UGGT1: variants seen among roughly 807,000 people sequenced by gnomAD.
The protein encoded by UGGT1 is UDP-glucose:glycoprotein glucosyltransferase 1.
Under a neutral mutation model 203.9 loss-of-function variants are expected in UGGT1, and 107 were observed. The observed-to-expected ratio is 0.52, with a 90% CI of 0.45 to 0.62. The LOEUF (loss-of-function observed/expected upper bound fraction) is 0.62, where lower values mean the gene tolerates loss of function less well. UGGT1 is among the 20% of genes least tolerant of loss of function. UGGT1 has a pLI of 0.00. For synonymous variants in UGGT1, 628 were observed against 653.5 expected (o/e 0.96, Z 0.59); for missense variants, 1,673 against 1,867.2 (o/e 0.90, Z 1.92).
chr2:128,192,898 G>A lies in UGGT1; in HGVS notation c.*3156G>A, dbSNP rs1042732967. On this transcript the variant is annotated 3_prime_UTR_variant, in exon 41 of 41. Transcript: ENST00000259253. ...GATGTATGTTAAGAAACAGTTTCCG[G>A]TCAGGCACAGTGGCTTACACCTGTA... The A allele has an allele frequency of 4.0e-5, 6 of 151,860 alleles. No individual in the cohort carries two copies. Among genetic ancestry groups the A allele is most frequent in the African/African-American group, 1.5e-4 (6 of 41,338 alleles). The allele number at this position is 151,860 out of a possible 1,614,324, so 9.4% of individuals were successfully genotyped here. A position where few individuals can be genotyped will look rare whatever the true frequency, so the allele number is the denominator to read the frequency against.
rs1553433490 is a variant in UGGT1, at chr2:128,112,454, T to TATA, written c.522-630_522-629insATA. On this transcript the variant is annotated intron_variant, in intron 5 of 40. Coordinates refer to ENST00000259253, the MANE Select transcript of UGGT1 (RefSeq NM_020120.4). The stretch of plus-strand genomic sequence containing the variant: ...AAAAAACCCCCCAAAAAATACTATG[T>TATA]TATATATATATATATATATTACATA... Among the ~76,000 whole-genome samples the TATA allele has an allele frequency of 2.5e-4, 14 of 55,808 alleles. 1 individual carries two copies. The South Asian group carries it at 5.2e-3, about 21-fold the overall frequency. The allele number at this position is 55,808 out of a possible 152,430, so 36.6% of individuals were successfully genotyped here. A position where few individuals can be genotyped will look rare whatever the true frequency, so the allele number is the denominator to read the frequency against.
chr2:128,128,488 A>G (rs1357203377), intron 12 of UGGT1, among the ~76,000 whole-genome samples: 4 of 151,406 alleles, frequency 2.6e-5, no homozygotes, highest in Non-Finnish European at 5.9e-5. Flanking sequence ...TTTTTTTTGT[A>G]TTTTTAGTGG....
At chr2:128,147,902 A>G (rs1224961968) in intron 18 of UGGT1, among the ~76,000 whole-genome samples, 1 of 152,058 alleles carries the variant, frequency 6.6e-6, no homozygotes, top group Non-Finnish European at 1.5e-5. Context: ...TACAGGCATG[A>G]GCCACCATTT....
chr2:128,103,969 A>G lies in UGGT1; in HGVS notation c.232A>G (p.Asn78Asp). ...AGAAGACAGTCAAGAGAAATTTTGG[A>G]ATTTTGTAGAAGCCAGTCAAAATAT... Reference protein sequence around the residue: ...LAEDSQEKFWNFVEASQNIGS... With the variant: ...LAEDSQEKFWDFVEASQNIGS... Residue 78 changes from asparagine (N) to aspartate (D), a missense_variant, in exon 3 of 41, where the codon AAT (asparagine) becomes GAT (aspartate). This residue lies in a region of UGGT1 where 4 missense variants were observed against 17.1 expected (regional missense o/e 0.23). Coordinates refer to ENST00000259253, the MANE Select transcript of UGGT1 (RefSeq NM_020120.4). 1 of 1,592,828 alleles carries G rather than the reference A, an allele frequency of 6.3e-7. No individual in the cohort carries two copies. The highest frequency in any genetic ancestry group is 8.5e-7 in the Non-Finnish European group (1 of 1,173,940).
chr2:128,157,567 G>GA (rs946734378), intron 22 of UGGT1, among the ~76,000 whole-genome samples: 10 of 152,110 alleles, frequency 6.6e-5, no homozygotes, highest in Non-Finnish European at 1.5e-4. Context: ...TTCTTATAGA[G>GA]AAAAAAATAA....
At chr2:128,156,493 C>G in intron 21 of UGGT1, 78 bp downstream of exon 21, 1 of 1,131,040 alleles carries the variant, frequency 8.8e-7, no homozygotes, top group South Asian at 1.3e-5. Flanking sequence ...TAGAATTTAT[C>G]AACACTTAAT....
intron 19 of UGGT1, among the ~76,000 whole-genome samples, chr2:128,154,330 G>A (rs551005962): frequency 6.6e-6 from 1 of 152,284 alleles, no homozygotes; most frequent in South Asian, 2.1e-4. Flanking sequence ...CATAATAGCG[G>A]TTTTGTTTTT....
chr2:128,150,491 G>T (rs1259722739), intron 18 of UGGT1, among the ~76,000 whole-genome samples: 1 of 152,030 alleles, frequency 6.6e-6, no homozygotes, highest in Non-Finnish European at 1.5e-5. Context: ...AAATGTAAAT[G>T]AAGAGAAACT....
chr2:128,183,628 T>C (rs759695933), intron 37 of UGGT1, 47 bp from the exon 38 acceptor site: 15 of 1,436,824 alleles, frequency 1.0e-5, no homozygotes, highest in Non-Finnish European at 1.5e-5. Flanking sequence ...TTAGTTTTCC[T>C]GTCGTAATCC....
At chr2:128,120,103 TCA>T (rs1235261344) in intron 8 of UGGT1, among the ~76,000 whole-genome samples, 1 of 152,124 alleles carries the variant, frequency 6.6e-6, no homozygotes, top group Admixed American at 6.6e-5. Flanking sequence ...TTAACCACTC[TCA>T]GTCTCCTTAT....
intron 13 of UGGT1, among the ~76,000 whole-genome samples, chr2:128,129,671 T>C (rs1313595162): frequency 6.6e-6 from 1 of 152,108 alleles, no homozygotes; most frequent in Non-Finnish European, 1.5e-5. Flanking sequence ...AGTGCTGCGA[T>C]TATAGGCGTG....
Position 128,172,574 on chromosome 2 carries a change from T to A in UGGT1, c.3106T>A (p.Phe1036Ile). The change falls in exon 29 of 41, where the codon TTT becomes ATT. Residue 1036 changes from phenylalanine (F) to isoleucine (I), a missense_variant and splice_region_variant. Phe to Ile is a conservative substitution (Grantham distance 21). This residue lies in a region of UGGT1 where 513 missense variants were observed against 684.1 expected (regional missense o/e 0.75). Coordinates refer to ENST00000259253, the MANE Select transcript of UGGT1 (RefSeq NM_020120.4). ...TAACACTTTCCTTTTCAATTTCAGC[T>A]TTTACCGTTATGTCTTAGAACCAGA... ...SKLSDMPLKS[F>I]YRYVLEPEIS... 1 of 1,613,986 alleles carries A rather than the reference T, an allele frequency of 6.2e-7. No homozygotes were observed. Among genetic ancestry groups the A allele is most frequent in the African/African-American group, 1.3e-5 (1 of 75,042 alleles).
In UGGT1 at chr2:128,121,186, G is replaced by A. The variant is rs758275845; in HGVS notation, c.974-13G>A. 1.9e-6 allele frequency: 3 copies of A among 1,612,670 alleles called. No individual in the cohort carries two copies. The African/African-American group carries it at 4.0e-5, about 22-fold the overall frequency. Reference sequence around the variant, plus strand: ...GATTAATCCACTTTTAATTATATTTGACATTGTTGCAGATCTCAGTTTCCA... The same window carrying A: ...GATTAATCCACTTTTAATTATATTTAACATTGTTGCAGATCTCAGTTTCCA... On this transcript the variant is annotated splice_polypyrimidine_tract_variant and intron_variant, in intron 9 of 40. Transcript: ENST00000259253.
At position 128,091,645 on chromosome 2, in the gene UGGT1, CCTT is replaced by C. The variant is rs1418306806; in HGVS notation, c.58+234_58+236del. The C allele has an allele frequency of 2.0e-5, 28 of 1,374,392 alleles. No homozygotes were observed. The Middle Eastern group carries it at 8.1e-4, about 40-fold the overall frequency. The allele number at this position is 1,374,392 out of a possible 1,614,324, so 85.1% of individuals were successfully genotyped here. On this transcript the variant is annotated intron_variant, in intron 1 of 40. Coordinates refer to ENST00000259253, the MANE Select transcript of UGGT1 (RefSeq NM_020120.4). ...GCGGGCTCTGTTCAGCGGTCTTGAA[CCTT>C]CTTTGAAGAGCTTTAGATCCTTGTG...
Position 128,152,805 on chromosome 2 carries a change from G to A in UGGT1, c.2038G>A (p.Asp680Asn), listed in dbSNP as rs1690038152. Residue 680 changes from aspartate to asparagine, a missense_variant, in exon 19 of 41, where the codon GAT (aspartate) becomes AAT (asparagine). Around this residue, in one of 4 missense-constraint regions of UGGT1, gnomAD observed 1,073 missense variants for 1,078.7 expected, o/e 0.99. Transcript: ENST00000259253. ...VYLGELPHDQ[D>N]VVEYIMNQPN... ...GCAGGGTGAACTGCCCCATGATCAA[G>A]ATGTGGTAGAGTATATCATGAATCA... The A allele has an allele frequency of 6.2e-7, 1 of 1,611,524 alleles. No individual in the cohort carries two copies. The highest frequency in any genetic ancestry group is 8.5e-7 in the Non-Finnish European group (1 of 1,179,244).
chr2:128,131,319 C>T (rs981187067), intron 13 of UGGT1, among the ~76,000 whole-genome samples: 10 of 151,668 alleles, frequency 6.6e-5, no homozygotes, highest in African/African-American at 1.9e-4. Context: ...TTTGGGAGGC[C>T]GTGGTGGGCG....
Position 128,177,846 on chromosome 2 carries a change from A to G in UGGT1, c.3639A>G (p.Ala1213=), listed in dbSNP as rs752240228. 3.1e-5 allele frequency: 50 copies of G among 1,601,454 alleles called. No homozygotes were observed. Among genetic ancestry groups the G allele is most frequent in the South Asian group, 4.5e-5 (4 of 88,744 alleles). ...KIIKVKVQKK[A]DMVNEDLLSD... Reference sequence around the variant, plus strand: ...TTTGATTGCAGGTTCAGAAGAAGGCAGATATGGTGAACGAAGACTTGCTGA... The same window carrying G: ...TTTGATTGCAGGTTCAGAAGAAGGCGGATATGGTGAACGAAGACTTGCTGA... Residue 1213 remains alanine (A), a synonymous_variant, in exon 33 of 41, where the codon GCA becomes GCG. Coordinates refer to ENST00000259253, the MANE Select transcript of UGGT1 (RefSeq NM_020120.4).
At chr2:128,150,559 A>G (rs4519459) in intron 18 of UGGT1, among the ~76,000 whole-genome samples, 28 of 69,134 alleles carry the variant, frequency 4.1e-4, no homozygotes, top group African/African-American at 5.3e-4. Flanking sequence ...GACAACTACC[A>G]TGTGTGTGTG....
intron 11 of UGGT1, among the ~76,000 whole-genome samples, 187 bp from the exon 12 acceptor site, chr2:128,127,174 C>T (rs920444695): frequency 2.0e-5 from 3 of 152,172 alleles, no homozygotes; most frequent in East Asian, 1.9e-4. Flanking sequence ...CAACATGTTT[C>T]GAAATGTGTA....
Sources: gnomAD v4.1 joint callset for allele counts (sites outside exome capture counted in the v4.1 genomes callset) on GRCh38, gnomAD v4.1.1 for gene constraint, gnomAD v4.1.1 regional missense constraint, MANE v1.5 for transcripts, NCBI Gene and HGNC (gene_info 2026-07-23, HGNC 2026-07-21) for gene names.